PTPRG: variants seen among roughly 807,000 people sequenced by gnomAD.
The protein encoded by PTPRG is receptor-type tyrosine-protein phosphatase gamma.
A neutral mutation model predicts 165.3 loss-of-function variants in PTPRG; 102 were observed. That is an observed-to-expected ratio of 0.62 (90% CI 0.53 to 0.73). PTPRG has a LOEUF of 0.73. Ranked by LOEUF, PTPRG falls within the 30% of genes least tolerant of loss-of-function variation. The pLI, the probability that PTPRG is intolerant of heterozygous loss-of-function variation, is 0.00. For synonymous variants in PTPRG, 675 were observed against 669.5 expected, an observed-to-expected ratio of 1.01 and a Z score of -0.13; for missense variants, 1,866 against 1,861.4, an observed-to-expected ratio of 1.00 and a Z score of -0.05.
At chr3:62,156,985 T>A in intron 6 of PTPRG, 82 bp from the exon 7 acceptor site, 1 of 1,273,918 alleles carries the variant, frequency 7.8e-7, no homozygotes, top group Non-Finnish European at 1.1e-6. Flanking sequence ...GGCACCAGCA[T>A]GCCGAGGGTG....
At chr3:61,633,510 C>T (rs558661332) in intron 1 of PTPRG, among the ~76,000 whole-genome samples, 44 of 152,190 alleles carry the variant, frequency 2.9e-4, no homozygotes, top group South Asian at 1.5e-3. Context: ...TATAAAAATA[C>T]GATTGATTTT....
At chr3:61,893,824 G>A (rs767255380) in intron 2 of PTPRG, among the ~76,000 whole-genome samples, 2 of 152,096 alleles carry the variant, frequency 1.3e-5, no homozygotes, top group Non-Finnish European at 2.9e-5. Flanking sequence ...GAAACATTTC[G>A]TTTATGCAAA....
At chr3:61,925,967 C>A (rs1575791491) in intron 2 of PTPRG, 1 of 467,558 alleles carries the variant, frequency 2.1e-6, no homozygotes, top group South Asian at 1.5e-5. Flanking sequence ...GGTTCTCTGA[C>A]CAGCAGCACC....
At chr3:62,175,135 G>A (rs777895405) in intron 8 of PTPRG, among the ~76,000 whole-genome samples, 4 of 152,230 alleles carry the variant, frequency 2.6e-5, no homozygotes, top group Non-Finnish European at 5.9e-5. Context: ...AAATATATGA[G>A]TTGGTGTTAA....
intron 5 of PTPRG, among the ~76,000 whole-genome samples, chr3:62,088,203 C>T (rs1378075315): frequency 1.3e-5 from 2 of 152,196 alleles, no homozygotes; most frequent in Non-Finnish European, 2.9e-5. Context: ...ACGGAGAGTG[C>T]CCAGGAACGC....
chr3:62,174,691 T>G (rs1705346673), intron 8 of PTPRG, among the ~76,000 whole-genome samples: 1 of 152,236 alleles, frequency 6.6e-6, no homozygotes, highest in South Asian at 2.1e-4. Flanking sequence ...TCTGCTATTT[T>G]GGGAGAAAAT....
At chr3:62,122,893 G>C (rs997900102) in intron 5 of PTPRG, among the ~76,000 whole-genome samples, 6 of 152,132 alleles carry the variant, frequency 3.9e-5, no homozygotes, top group Non-Finnish European at 8.8e-5. Flanking sequence ...TGTTGTGTGG[G>C]TTCATTACAG....
At chr3:62,140,867 A>G (rs1703901074) in intron 6 of PTPRG, among the ~76,000 whole-genome samples, 1 of 145,740 alleles carries the variant, frequency 6.9e-6, no homozygotes, top group African/African-American at 2.5e-5. Flanking sequence ...AAAAAAAAAA[A>G]AAAAAAAGAG....
intron 1 of PTPRG, among the ~76,000 whole-genome samples, chr3:61,616,568 C>G (rs1367297064): frequency 6.6e-6 from 1 of 152,146 alleles, no homozygotes; most frequent in Non-Finnish European, 1.5e-5. Context: ...CTCCCTCAAA[C>G]ACCAACCTCC....
intron 14 of PTPRG, 102 bp from the exon 15 acceptor site, chr3:62,243,705 T>TAA: frequency 1.4e-6 from 1 of 715,548 alleles, no homozygotes; most frequent in South Asian, 2.1e-5. Context: ...CAGTGCTGTG[T>TAA]GATGTTTAAA....
chr3:61,976,102 GTGCAACTGA>G (rs912892867), intron 2 of PTPRG, among the ~76,000 whole-genome samples: 1 of 152,136 alleles, frequency 6.6e-6, no homozygotes, highest in African/African-American at 2.4e-5. Flanking sequence ...ACATTTTCAA[GTGCAACTGA>G]CATGGATGCA....
chr3:61,851,692 G>C (rs2036969488), intron 2 of PTPRG, among the ~76,000 whole-genome samples: 1 of 152,182 alleles, frequency 6.6e-6, no homozygotes, highest in Admixed American at 6.5e-5. Context: ...GAATTGTCAT[G>C]AGGAGTCTTG....
At chr3:62,172,566 T>C (rs915887032) in intron 8 of PTPRG, among the ~76,000 whole-genome samples, 9 of 149,718 alleles carry the variant, frequency 6.0e-5, no homozygotes, top group Admixed American at 5.9e-4. Context: ...CAAATGTTCC[T>C]CCTTTTTTTT....
intron 1 of PTPRG, among the ~76,000 whole-genome samples, chr3:61,609,580 G>T (rs1158697319): frequency 6.6e-6 from 1 of 152,128 alleles, no homozygotes; most frequent in African/African-American, 2.4e-5. Context: ...AATAAGACTG[G>T]GTGTGGTGGC....
At chr3:62,052,501 T>C (rs1212877603) in intron 4 of PTPRG, among the ~76,000 whole-genome samples, 5 of 152,144 alleles carry the variant, frequency 3.3e-5, no homozygotes, top group Non-Finnish European at 5.9e-5. Flanking sequence ...GAAACCAGCC[T>C]GGGCAAGATA....
intron 2 of PTPRG, among the ~76,000 whole-genome samples, chr3:61,849,501 G>A (rs567994506): frequency 3.9e-4 from 60 of 152,220 alleles, no homozygotes; most frequent in African/African-American, 1.0e-3. Flanking sequence ...ACAGAGTCTC[G>A]CACCCTAAGT....
intron 1 of PTPRG, among the ~76,000 whole-genome samples, chr3:61,675,352 A>C (rs1263586816): frequency 6.6e-6 from 1 of 152,156 alleles, no homozygotes; most frequent in African/African-American, 2.4e-5. Flanking sequence ...TTATTAGTGG[A>C]AGTCATGGTT....
chr3:62,030,347 G>A lies in PTPRG; in HGVS notation c.519+26850G>A, dbSNP rs79456997. Among the ~76,000 whole-genome samples the A allele has an allele frequency of 5.4e-3, 823 of 152,258 alleles. 5 individuals are homozygous for A. The highest frequency in any genetic ancestry group is 0.019 in the African/African-American group (777 of 41,560). On this transcript the variant is annotated intron_variant, in intron 4 of 29. Coordinates refer to ENST00000474889, the MANE Select transcript of PTPRG (RefSeq NM_002841.4). ...AAAATCCACCTGCCAGATTCCTCAT[G>A]AAAACAGTCTAATTGAAATATTGCT... is the stretch of plus-strand genomic sequence containing the variant.
At chr3:61,787,051 C>G (rs1284311226) in intron 2 of PTPRG, among the ~76,000 whole-genome samples, 1 of 152,144 alleles carries the variant, frequency 6.6e-6, no homozygotes, top group Middle Eastern at 3.4e-3. Flanking sequence ...CTCCTCATAA[C>G]GTAGGCTAAA....
Sources: gnomAD v4.1 joint callset for allele counts (sites outside exome capture counted in the v4.1 genomes callset) on GRCh38, gnomAD v4.1.1 for gene constraint, MANE v1.5 for transcripts, NCBI Gene and HGNC (gene_info 2026-07-23, HGNC 2026-07-21) for gene names.